CDV3: variants seen among roughly 807,000 people sequenced by gnomAD.
CDV3 encodes protein CDV3 homolog.
In CDV3, 14 loss-of-function variants were observed where a neutral mutation model predicts 24.5. That is an observed-to-expected ratio of 0.57 (90% CI 0.38 to 0.89). The LOEUF (loss-of-function observed/expected upper bound fraction) is 0.89, where lower values mean the gene tolerates loss of function less well. Among genes scored for constraint, CDV3 ranks in the 40% least tolerant of loss-of-function variants. The pLI, the probability that CDV3 is intolerant of heterozygous loss-of-function variation, is 0.00. For missense variants in CDV3, 304 were observed against 310.2 expected (o/e 0.98, Z 0.15); for synonymous variants, 114 against 114.1 (o/e 1.00, Z 0.00).
intron 3 of CDV3, among the ~76,000 whole-genome samples, chr3:133,586,309 T>C (rs1305872655): frequency 6.6e-6 from 1 of 152,082 alleles, no homozygotes; most frequent in East Asian, 1.9e-4. Context: ...TTGGCCCAGC[T>C]GGTCTTGAAC....
At chr3:133,581,322 T>A (rs1005818806) in intron 2 of CDV3, among the ~76,000 whole-genome samples, 7 of 152,112 alleles carry the variant, frequency 4.6e-5, no homozygotes, top group Non-Finnish European at 8.8e-5. Flanking sequence ...AGTTGAAGAT[T>A]GCAGTGAGCT....
chr3:133,575,737 TA>T (rs2074781029), intron 2 of CDV3, among the ~76,000 whole-genome samples: 1 of 152,238 alleles, frequency 6.6e-6, no homozygotes, highest in Non-Finnish European at 1.5e-5. Flanking sequence ...TGTTATTTTT[TA>T]AAGTTCAAAA....
At chr3:133,578,423 A>C (rs1355062201) in intron 2 of CDV3, among the ~76,000 whole-genome samples, 1 of 152,236 alleles carries the variant, frequency 6.6e-6, no homozygotes, top group Non-Finnish European at 1.5e-5. Flanking sequence ...ATCTAGACTT[A>C]AACCTTTTAG....
Position 133,588,824 on chromosome 3 carries a change from T to C in CDV3, c.*778T>C, listed in dbSNP as rs866625521. The C allele has an allele frequency of 1.0e-4, 16 of 159,192 alleles. No individual in the cohort carries two copies. Among genetic ancestry groups the C allele is most frequent in the Middle Eastern group, 6.3e-3 (2 of 320 alleles). 9.9% of individuals were successfully genotyped at this position (159,192 alleles called of 1,614,324 possible). ...TTTTTTTTTTTGGTAATTTTTTTATTTGGATAGTGCTTTTTTGTTTTGTTT... is the reference window on the plus strand; with the variant it reads ...TTTTTTTTTTTGGTAATTTTTTTATCTGGATAGTGCTTTTTTGTTTTGTTT... On this transcript the variant is annotated 3_prime_UTR_variant, in exon 5 of 5. Coordinates refer to ENST00000264993, the MANE Select transcript of CDV3 (RefSeq NM_017548.5).
chr3:133,584,673 CT>C (rs1933401688), intron 3 of CDV3, among the ~76,000 whole-genome samples: 1 of 152,054 alleles, frequency 6.6e-6, no homozygotes, highest in African/African-American at 2.4e-5. Flanking sequence ...TTCACTTGTG[CT>C]TTGTCTTTTT....
At chr3:133,578,489 T>A (rs537102537) in intron 2 of CDV3, among the ~76,000 whole-genome samples, 1 of 152,364 alleles carries the variant, frequency 6.6e-6, no homozygotes, top group African/African-American at 2.4e-5. Context: ...CTTATGTGAC[T>A]ACTCTGCTAG....
At chr3:133,574,659 T>C (rs1395928193) in intron 1 of CDV3, 1 of 1,030,370 alleles carries the variant, frequency 9.7e-7, no homozygotes, top group Non-Finnish European at 1.2e-6. Context: ...AATTTTCGCT[T>C]TCAGCAGCCG....
At chr3:133,587,109 C>T in intron 4 of CDV3, 1 of 956,134 alleles carries the variant, frequency 1.0e-6, no homozygotes, top group Non-Finnish European at 1.5e-6. Context: ...TGACTATAGA[C>T]AGAAGATGTT....
chr3:133,582,342 G>C (rs1266999780), intron 2 of CDV3, among the ~76,000 whole-genome samples: 1 of 152,066 alleles, frequency 6.6e-6, no homozygotes, highest in Non-Finnish European at 1.5e-5. Flanking sequence ...AGTGGAGATG[G>C]GGTTTTGCCA....
At chr3:133,582,846 T>C (rs1313558232) in intron 2 of CDV3, among the ~76,000 whole-genome samples, 2 of 152,208 alleles carry the variant, frequency 1.3e-5, no homozygotes, top group Admixed American at 6.5e-5. Context: ...GGTGAAGAGT[T>C]GCAAAAAGGA....
At chr3:133,576,971 C>T (rs918941318) in intron 2 of CDV3, among the ~76,000 whole-genome samples, 22 of 150,398 alleles carry the variant, frequency 1.5e-4, no homozygotes, top group African/African-American at 5.4e-4. Flanking sequence ...CCTCAGCCTC[C>T]CGAGTAGCTG....
chr3:133,579,277 G>A (rs907429682), intron 2 of CDV3, among the ~76,000 whole-genome samples: 2 of 152,126 alleles, frequency 1.3e-5, no homozygotes, highest in Non-Finnish European at 2.9e-5. Context: ...ATTTAAGACC[G>A]TATATGTGGA....
In CDV3 at chr3:133,579,895, TAA is replaced by T. The variant is rs368354920; in HGVS notation, c.318-4105_318-4104del. 5.6e-3 allele frequency among the ~76,000 whole-genome samples: 846 copies of T among 152,278 alleles called. 8 individuals carry two copies. Among genetic ancestry groups the T allele is most frequent in the African/African-American group, 0.019 (799 of 41,564 alleles). On this transcript the variant is annotated intron_variant, in intron 2 of 4. Coordinates refer to ENST00000264993, the MANE Select transcript of CDV3 (RefSeq NM_017548.5). ...GGCATGAGCCACTGCGCCCGGCTGA[TAA>T]AGAGTCTTGACTAGACAATTTCCAC...
intron 2 of CDV3, among the ~76,000 whole-genome samples, chr3:133,578,280 C>A (rs574550314): frequency 5.8e-4 from 89 of 152,298 alleles, no homozygotes; most frequent in Middle Eastern, 3.4e-3. Context: ...CCACTTCCAT[C>A]TTTAAAGTGG....
intron 4 of CDV3, chr3:133,587,167 T>TA: frequency 7.5e-7 from 1 of 1,338,250 alleles, no homozygotes; most frequent in Non-Finnish European, 9.9e-7. Context: ...AGCAGGTACT[T>TA]AAAATGAATG....
chr3:133,587,541 T>G lies in CDV3; in HGVS notation c.627-355T>G, dbSNP rs1452385256. On this transcript the variant is annotated intron_variant, in intron 4 of 4. Coordinates refer to ENST00000264993, the MANE Select transcript of CDV3 (RefSeq NM_017548.5). ...AGAATTTACTTGAATGAGAAAATTGTTACCCTTGTGCATAAAGAGAGAGAT... is the reference window on the plus strand; with the variant it reads ...AGAATTTACTTGAATGAGAAAATTGGTACCCTTGTGCATAAAGAGAGAGAT... 9.1e-6 allele frequency: 10 copies of G among 1,100,330 alleles called. No homozygotes were observed. The African/African-American group carries it at 1.6e-4, about 18-fold the overall frequency. The allele number at this position is 1,100,330 out of a possible 1,614,324, so 68.2% of individuals were successfully genotyped here. A position where few individuals can be genotyped will look rare whatever the true frequency, so the allele number is the denominator to read the frequency against.
chr3:133,573,916 A>G lies in CDV3; in HGVS notation c.-129A>G. On this transcript the variant is annotated 5_prime_UTR_variant, in exon 1 of 5. Transcript: ENST00000264993. ...CCGTCTCGCCGCGCACGCCTCGGCGACCCCGCGGGGCTGAGGCGTCGCCGC... is the reference window on the plus strand; with the variant it reads ...CCGTCTCGCCGCGCACGCCTCGGCGGCCCCGCGGGGCTGAGGCGTCGCCGC... The G allele has an allele frequency of 1.5e-6, 1 of 688,412 alleles. No homozygotes were observed. The highest frequency in any genetic ancestry group is 1.8e-6 in the Non-Finnish European group (1 of 559,724). The allele number at this position is 688,412 out of a possible 1,614,324, so 42.6% of individuals were successfully genotyped here.
chr3:133,586,558 AT>A lies in CDV3; in HGVS notation c.467-3del. 1 of 1,497,952 alleles carries A rather than the reference AT, an allele frequency of 6.7e-7. No individual in the cohort carries two copies. Among genetic ancestry groups the A allele is most frequent in the Non-Finnish European group, 9.2e-7 (1 of 1,087,988 alleles). The allele number at this position is 1,497,952 out of a possible 1,614,324, so 92.8% of individuals were successfully genotyped here. ...GTTTATCTAAAAATTGTTATAAAATATTAGTTACAGAAACCCCAGAACCAGC... is the reference window on the plus strand; with the variant it reads ...GTTTATCTAAAAATTGTTATAAAATATAGTTACAGAAACCCCAGAACCAGC... On this transcript the variant is annotated splice_region_variant and splice_polypyrimidine_tract_variant and intron_variant, in intron 3 of 4. Transcript: ENST00000264993.
chr3:133,576,504 TG>T, intron 2 of CDV3, among the ~76,000 whole-genome samples: 1 of 152,244 alleles, frequency 6.6e-6, no homozygotes, highest in Non-Finnish European at 1.5e-5. Flanking sequence ...TGCAGGTTCT[TG>T]AAAACGTGAG....
Sources: gnomAD v4.1 joint callset for allele counts (sites outside exome capture counted in the v4.1 genomes callset) on GRCh38, gnomAD v4.1.1 for gene constraint, MANE v1.5 for transcripts, NCBI Gene and HGNC (gene_info 2026-07-23, HGNC 2026-07-21) for gene names.